Variants in AEBP2 observed in about 807,000 individuals in gnomAD.
The protein encoded by AEBP2 is zinc finger protein AEBP2.
In AEBP2, 10 loss-of-function variants were observed where a neutral mutation model predicts 50.8. That is an observed-to-expected ratio of 0.20 (90% confidence interval 0.12 to 0.33). The LOEUF (loss-of-function observed/expected upper bound fraction) is 0.33. Ranked by LOEUF, AEBP2 falls within the 10% of genes least tolerant of loss-of-function variation. The pLI is 1.00. For missense variants in AEBP2, 570 were observed against 688.0 expected, an observed-to-expected ratio of 0.83 and a Z score of 1.92; for synonymous variants, 296 against 261.3, an observed-to-expected ratio of 1.13 and a Z score of -1.28.
chr12:19,495,258 G>A (rs897190011), intron 4 of AEBP2, among the ~76,000 whole-genome samples: 7 of 152,166 alleles, frequency 4.6e-5, no homozygotes, highest in African/African-American at 1.7e-4. Flanking sequence ...GGGTGAATGA[G>A]TGAATAAAGC....
upstream of AEBP2, among the ~76,000 whole-genome samples, chr12:19,436,059 T>C (rs949749370): frequency 4.6e-5 from 7 of 152,176 alleles, no homozygotes; most frequent in Non-Finnish European, 7.3e-5. Context: ...CAGCACAAGA[T>C]ACAGGTCACA....
intron 1 of AEBP2, 190 bp downstream of exon 1, chr12:19,440,560 A>C: frequency 2.9e-6 from 4 of 1,386,066 alleles, no homozygotes; most frequent in East Asian, 5.3e-5. Flanking sequence ...GCGGCTTCCA[A>C]CTCTCAAACC....
chr12:19,439,867 G>C lies in AEBP2; in HGVS notation c.168G>C (p.Ala56=). 2 of 1,483,116 alleles carry C rather than the reference G, an allele frequency of 1.3e-6. No homozygotes were observed. The highest frequency in any genetic ancestry group is 8.9e-7 in the Non-Finnish European group (1 of 1,126,298). 91.9% of individuals were successfully genotyped at this position (1,483,116 alleles called of 1,614,324 possible). ...AGGCGGAGGCCGAGGCGGTGGCGGC[G>C]CTGCTGCTGAACGGCGGCAGCGGTG... The part of the protein sequence containing the change: ...EEEAEAEAVA[A]LLLNGGSGGG... Residue 56 remains alanine (A), a synonymous_variant, in exon 1 of 8, where the codon GCG becomes GCC. Transcript: ENST00000266508.
chr12:19,442,583 TAAG>T lies in AEBP2; in HGVS notation c.671+2217_671+2219del, dbSNP rs1416102170. 2.6e-5 allele frequency among the ~76,000 whole-genome samples: 4 copies of T among 152,206 alleles called. 1 individual carries two copies. Among genetic ancestry groups the T allele is most frequent in the African/African-American group, 7.2e-5 (3 of 41,458 alleles). On this transcript the variant is annotated intron_variant, in intron 1 of 7. Transcript: ENST00000266508. Reference sequence around the variant, plus strand: ...ATAATTTTTACATCTTATTTCAGAATAAGAAGTAAAATACGGGTGTCACAAATC... The same window carrying T: ...ATAATTTTTACATCTTATTTCAGAATAAGTAAAATACGGGTGTCACAAATC...
intron 5 of AEBP2, among the ~76,000 whole-genome samples, chr12:19,502,528 T>C (rs1298865775): frequency 6.6e-6 from 1 of 152,242 alleles, no homozygotes; most frequent in Non-Finnish European, 1.5e-5. Flanking sequence ...TGCCATTTAT[T>C]GAATTAGGGA....
At chr12:19,460,657 GTT>G (rs780141180) in intron 1 of AEBP2, among the ~76,000 whole-genome samples, 6 of 144,030 alleles carry the variant, frequency 4.2e-5, no homozygotes, top group East Asian at 2.0e-4. Flanking sequence ...CGGCCTGAAA[GTT>G]TTTTTTTTTT....
chr12:19,493,577 C>T (rs758796365), intron 3 of AEBP2, among the ~76,000 whole-genome samples: 1 of 152,052 alleles, frequency 6.6e-6, no homozygotes, highest in Non-Finnish European at 1.5e-5. Context: ...ACTGGGAGGT[C>T]GTGAAACTTG....
At chr12:19,439,097 T>G (rs1387442302), upstream of AEBP2, among the ~76,000 whole-genome samples, 1 of 152,198 alleles carries the variant, frequency 6.6e-6, no homozygotes, top group Non-Finnish European at 1.5e-5. Context: ...CGCCCTGTGT[T>G]GCGCATAAAA....
chr12:19,517,120 GCATAGAGT>G (rs1394212000), intron 7 of AEBP2, among the ~76,000 whole-genome samples: 1 of 152,148 alleles, frequency 6.6e-6, no homozygotes, highest in Non-Finnish European at 1.5e-5. Context: ...CTGTAAAGTG[GCATAGAGT>G]CATAGAAGCC....
chr12:19,480,004 G>A (rs147153911), intron 3 of AEBP2, among the ~76,000 whole-genome samples: 3 of 151,830 alleles, frequency 2.0e-5, no homozygotes, highest in African/African-American at 7.2e-5. Context: ...ATGAAGTACT[G>A]TTGTATTCAT....
chr12:19,424,088 G>A (rs974469734), intron 1 of AEBP2, among the ~76,000 whole-genome samples: 1 of 152,176 alleles, frequency 6.6e-6, no homozygotes, highest in African/African-American at 2.4e-5. Flanking sequence ...AGAATAAGAA[G>A]AGAGTTGGGC....
chr12:19,433,810 A>G (rs1004776601), intron 1 of AEBP2, among the ~76,000 whole-genome samples: 23 of 152,084 alleles, frequency 1.5e-4, no homozygotes, highest in Non-Finnish European at 2.4e-4. Context: ...CTCAAAAAAA[A>G]AAAAGTATAA....
intron 2 of AEBP2, 63 bp downstream of exon 2, chr12:19,462,780 C>G: frequency 7.1e-7 from 1 of 1,417,342 alleles, no homozygotes; most frequent in Non-Finnish European, 9.5e-7. Flanking sequence ...TTTATAATTG[C>G]TAGTTAGGCT....
Position 19,433,454 on chromosome 12 carries a change from TAATAA to T in AEBP2, c.-16-29045_-16-29041del, listed in dbSNP as rs2095752474. On this transcript the variant is annotated intron_variant, in intron 1 of 3. Coordinates refer to the AEBP2 transcript ENST00000538425. The stretch of plus-strand genomic sequence containing the variant: ...ATACAGTAAAAATGAATTCCCAGTG[TAATAA>T]AATAAAATAACTGATGACATAGAAA... Among the ~76,000 whole-genome samples, 6 of 152,058 alleles carry T rather than the reference TAATAA, an allele frequency of 3.9e-5. No individual in the cohort carries two copies. In the South Asian group the frequency reaches 1.2e-3, roughly 32 times the overall value.
chr12:19,479,736 T>G (rs1464145431), intron 3 of AEBP2, among the ~76,000 whole-genome samples: 6 of 136,978 alleles, frequency 4.4e-5, no homozygotes, highest in Admixed American at 1.5e-4. Context: ...TTTTTTTTTT[T>G]TTTTTTTTTT....
chr12:19,470,500 A>G (rs143948847), intron 2 of AEBP2, among the ~76,000 whole-genome samples: 12 of 152,314 alleles, frequency 7.9e-5, no homozygotes, highest in African/African-American at 2.9e-4. Context: ...ATAGCTAAAC[A>G]CAGTTAACTT....
chr12:19,502,299 A>G (rs1949093617), intron 5 of AEBP2, among the ~76,000 whole-genome samples: 1 of 151,798 alleles, frequency 6.6e-6, no homozygotes. Context: ...AAGCCCAGCT[A>G]ATTTTTGTAT....
At position 19,518,149 on chromosome 12, in the gene AEBP2, C is replaced by T. The variant is rs371899888; in HGVS notation, c.*32C>T. 4.5e-6 allele frequency: 7 copies of T among 1,572,980 alleles called. No homozygotes were observed. Among genetic ancestry groups the T allele is most frequent in the East Asian group, 2.3e-5 (1 of 43,250 alleles). On this transcript the variant is annotated 3_prime_UTR_variant, in exon 8 of 8. Coordinates refer to ENST00000266508, the MANE Select transcript of AEBP2 (RefSeq NM_153207.5). ...AATAAATACATAAAAAGCAAACAAGCGGGGACACCTGCAGTCTTAGTCACT... is the reference window on the plus strand; with the variant it reads ...AATAAATACATAAAAAGCAAACAAGTGGGGACACCTGCAGTCTTAGTCACT...
upstream of AEBP2, among the ~76,000 whole-genome samples, chr12:19,437,396 C>A (rs1472612844): frequency 6.6e-6 from 1 of 152,142 alleles, no homozygotes; most frequent in Non-Finnish European, 1.5e-5. Context: ...TTGGCCATGA[C>A]CCTTATGATG....
Sources: allele counts gnomAD v4.1 joint callset (sites outside exome capture counted in the v4.1 genomes callset), GRCh38; gene constraint gnomAD v4.1.1; transcripts MANE v1.5; gene names NCBI Gene and HGNC (gene_info 2026-07-23, HGNC 2026-07-21).